Variants in SNRPB2 observed in about 807,000 individuals in gnomAD.
The protein encoded by SNRPB2 is small nuclear ribonucleoprotein polypeptide B2.
SNRPB2 carries 16 observed loss-of-function variants against 26.3 expected under a neutral mutation model. That is an observed-to-expected ratio of 0.61 (90% CI 0.41 to 0.92). SNRPB2 has a LOEUF of 0.92. Ranked by LOEUF, SNRPB2 falls within the 40% of genes least tolerant of loss-of-function variation. The probability of loss-of-function intolerance (pLI) is 0.00; values close to 1 mark genes in which losing one functional copy is unlikely to be tolerated. For missense variants in SNRPB2, 179 were observed against 268.1 expected (o/e 0.67, Z 2.32); for synonymous variants, 75 against 89.0 (o/e 0.84, Z 0.88).
rs1412241026 is a variant in SNRPB2, at chr20:16,742,487, TGGG to T, written c.*1485_*1487del. On this transcript the variant is annotated 3_prime_UTR_variant, in exon 7 of 7. Transcript: ENST00000246071. ...GGATTTGCTTATACTCTGAGTGAAATGGGGGACTATTTTAGAGAATTTTTTTAA... is the reference window on the plus strand; with the variant it reads ...GGATTTGCTTATACTCTGAGTGAAATGGACTATTTTAGAGAATTTTTTTAA... 2 of 152,024 alleles carry T rather than the reference TGGG, an allele frequency of 1.3e-5. No individual in the cohort carries two copies. The highest frequency in any genetic ancestry group is 2.4e-5 in the African/African-American group (1 of 41,370). 9.4% of individuals were successfully genotyped at this position (152,024 alleles called of 1,614,324 possible). A position where few individuals can be genotyped will look rare whatever the true frequency, so the allele number is the denominator to read the frequency against.
intron 3 of SNRPB2, among the ~76,000 whole-genome samples, chr20:16,736,018 C>CAG (rs1226140690): frequency 5.3e-5 from 8 of 152,156 alleles, no homozygotes; most frequent in African/African-American, 1.7e-4. Context: ...TGTTTTTGTT[C>CAG]TGTGTGTGTC....
intron 4 of SNRPB2, among the ~76,000 whole-genome samples, chr20:16,738,420 G>C (rs1217288964): frequency 6.8e-6 from 1 of 147,372 alleles, no homozygotes; most frequent in Non-Finnish European, 1.5e-5. Context: ...TCCAGCCTGG[G>C]TGACAAGAGC....
chr20:16,733,005 G>T (rs748968888), intron 3 of SNRPB2, among the ~76,000 whole-genome samples: 1 of 152,180 alleles, frequency 6.6e-6, no homozygotes, highest in Non-Finnish European at 1.5e-5. Context: ...GTGAAGCAAG[G>T]GGTTTCTATG....
intron 3 of SNRPB2, among the ~76,000 whole-genome samples, chr20:16,735,575 A>C (rs2072421106): frequency 6.6e-6 from 1 of 152,206 alleles, no homozygotes; most frequent in Admixed American, 6.5e-5. Context: ...TGTGCTTGTT[A>C]CAAGTGCAGA....
intron 3 of SNRPB2, 138 bp downstream of exon 3, chr20:16,732,474 GA>G: frequency 1.1e-5 from 6 of 551,116 alleles, no homozygotes; most frequent in Non-Finnish European, 1.6e-5. Flanking sequence ...TATTTTTATA[GA>G]AAAACAGTAG....
At chr20:16,737,129 C>T (rs2072431242) in intron 3 of SNRPB2, 132 bp from the exon 4 acceptor site, 1 of 641,472 alleles carries the variant, frequency 1.6e-6, no homozygotes, top group Non-Finnish European at 2.5e-6. Context: ...TCAGTATATT[C>T]TGACAGATTT....
At position 16,740,914 on chromosome 20, in the gene SNRPB2, A is replaced by C. The variant is rs1454189462; in HGVS notation, c.587A>C (p.Asn196Thr). 6.2e-7 allele frequency: 1 copy of C among 1,612,440 alleles called. No homozygotes were observed. Among genetic ancestry groups the C allele is most frequent in the Non-Finnish European group, 8.5e-7 (1 of 1,178,600 alleles). ...RHDIAFVEFENDGQAGAARDA... is the reference protein window; with the variant it reads ...RHDIAFVEFETDGQAGAARDA... ...GACATTGCTTTTGTTGAATTTGAAA[A>C]TGATGGGCAGGCTGGAGCTGCCAGG... The change falls in exon 7 of 7, where the codon AAT becomes ACT. Residue 196 changes from asparagine (N) to threonine (T), a missense_variant. Around this residue, in one of 2 missense-constraint regions of SNRPB2, gnomAD observed 34 missense variants for 87.4 expected, o/e 0.39. Coordinates refer to ENST00000246071, the MANE Select transcript of SNRPB2 (RefSeq NM_003092.5).
At position 16,731,635 on chromosome 20, in the gene SNRPB2, C is replaced by G. The variant is rs6111262; in HGVS notation, c.-35-33C>G. 8.8e-6 allele frequency: 14 copies of G among 1,584,544 alleles called. 1 individual carries two copies. In the South Asian group the frequency reaches 1.2e-4, roughly 14 times the overall value. ...TTGTGTTGTGTCCTTATGCCACAGT[C>G]CAGTATAATTTACTCCTTCCTTTTT... On this transcript the variant is annotated intron_variant, in intron 1 of 6. Transcript: ENST00000246071.
intron 3 of SNRPB2, among the ~76,000 whole-genome samples, chr20:16,733,149 G>A (rs1040021946): frequency 8.5e-5 from 13 of 152,220 alleles, no homozygotes; most frequent in African/African-American, 3.1e-4. Flanking sequence ...CATTCTGGTT[G>A]TACTATTAAC....
intron 3 of SNRPB2, 117 bp downstream of exon 3, chr20:16,732,453 T>C: frequency 1.6e-6 from 1 of 622,566 alleles, no homozygotes. Flanking sequence ...TTATGTGTGT[T>C]TGGGTTTATG....
At chr20:16,737,023 C>T (rs1292281123) in intron 3 of SNRPB2, among the ~76,000 whole-genome samples, 1 of 152,184 alleles carries the variant, frequency 6.6e-6, no homozygotes, top group South Asian at 2.1e-4. Context: ...GTGTTTCTCA[C>T]ATGAAAATAT....
chr20:16,732,874 A>G (rs957390980), intron 3 of SNRPB2, among the ~76,000 whole-genome samples: 1 of 152,240 alleles, frequency 6.6e-6, no homozygotes, highest in Non-Finnish European at 1.5e-5. Flanking sequence ...TGAGATTCAC[A>G]TCTAGCTGCT....
At position 16,740,442 on chromosome 20, in the gene SNRPB2, C is replaced by A. The variant is rs764860147; in HGVS notation, c.518+29C>A. 31 of 1,607,042 alleles carry A rather than the reference C, an allele frequency of 1.9e-5. No homozygotes were observed. The South Asian group carries it at 3.3e-4, about 17-fold the overall frequency. On this transcript the variant is annotated intron_variant, in intron 6 of 6. Transcript: ENST00000246071. ...AGTTTTTTCATAAATAAGTCTGTTT[C>A]TGAGAGCTTCCTCACAGGACAAGTA...
Position 16,742,203 on chromosome 20 carries a change from A to G in SNRPB2, c.*1198A>G, listed in dbSNP as rs979774584. 2.6e-5 allele frequency: 4 copies of G among 152,176 alleles called. No homozygotes were observed. Among genetic ancestry groups the G allele is most frequent in the African/African-American group, 9.7e-5 (4 of 41,430 alleles). The allele number at this position is 152,176 out of a possible 1,614,324, so 9.4% of individuals were successfully genotyped here. Reference sequence around the variant, plus strand: ...GTAGTCAAGCTCCTGTACTTTTGTAAAATATATTAACAGTGAATTACTAGA... The same window carrying G: ...GTAGTCAAGCTCCTGTACTTTTGTAGAATATATTAACAGTGAATTACTAGA... On this transcript the variant is annotated 3_prime_UTR_variant, in exon 7 of 7. Coordinates refer to ENST00000246071, the MANE Select transcript of SNRPB2 (RefSeq NM_003092.5).
chr20:16,731,585 A>C lies in SNRPB2; in HGVS notation c.-35-83A>C, dbSNP rs1456031866. 4.3e-6 allele frequency: 6 copies of C among 1,381,326 alleles called. No homozygotes were observed. The Admixed American group carries it at 9.2e-5, about 21-fold the overall frequency. The allele number at this position is 1,381,326 out of a possible 1,614,324, so 85.6% of individuals were successfully genotyped here. On this transcript the variant is annotated intron_variant, in intron 1 of 6. Transcript: ENST00000246071. ...GACATTTTCTGACAACTGGGATTGA[A>C]AGAGAAATGAAAAGTTAATAATTCT...
rs774178839 is a variant in SNRPB2, at chr20:16,737,227, T to A, written c.238-34T>A. 7.2e-6 allele frequency: 11 copies of A among 1,534,264 alleles called. No homozygotes were observed. The Admixed American group carries it at 2.2e-4, about 31-fold the overall frequency. The stretch of plus-strand genomic sequence containing the variant: ...TGACTAGTGTAAACATCCTTCAGCA[T>A]GAGAAGTAACCTGTTTTCAAATAAT... On this transcript the variant is annotated intron_variant, in intron 3 of 6. Transcript: ENST00000246071.
At chr20:16,731,860 A>C in intron 2 of SNRPB2, 94 bp downstream of exon 2, 1 of 1,549,226 alleles carries the variant, frequency 6.5e-7, no homozygotes, top group Non-Finnish European at 8.7e-7. Flanking sequence ...TTACCTCATC[A>C]TCTTAGTGCC....
Position 16,737,384 on chromosome 20 carries a change from A to T in SNRPB2, c.361A>T (p.Asn121Tyr). The T allele has an allele frequency of 6.3e-7, 1 of 1,588,052 alleles. No individual in the cohort carries two copies. Among genetic ancestry groups the T allele is most frequent in the Non-Finnish European group, 8.5e-7 (1 of 1,173,784 alleles). Reference sequence around the variant, plus strand: ...TGTGGAACAGACTGCAACAACCACAAACAAAAAGCCTGGCCAGGTAAGAAA... The same window carrying T: ...TGTGGAACAGACTGCAACAACCACATACAAAAAGCCTGGCCAGGTAAGAAA... ...KTVEQTATTT[N>Y]KKPGQGTPNS... Residue 121 changes from asparagine to tyrosine, a missense_variant, in exon 4 of 7, where the codon AAC (asparagine) becomes TAC (tyrosine). Asn to Tyr is a moderately radical substitution (Grantham distance 143, BLOSUM62 -2). This residue lies in a region of SNRPB2 where 145 missense variants were observed against 180.7 expected (regional missense o/e 0.80). Transcript: ENST00000246071.
At chr20:16,740,674 C>G (rs1311814815) in intron 6 of SNRPB2, among the ~76,000 whole-genome samples, 172 bp from the exon 7 acceptor site, 1 of 152,204 alleles carries the variant, frequency 6.6e-6, no homozygotes, top group Non-Finnish European at 1.5e-5. Context: ...TTTATTCTTG[C>G]AGTTCTTCCA....
Sources: gnomAD v4.1 joint callset for allele counts (sites outside exome capture counted in the v4.1 genomes callset) on GRCh38, gnomAD v4.1.1 for gene constraint, gnomAD v4.1.1 regional missense constraint, MANE v1.5 for transcripts, NCBI Gene and HGNC (gene_info 2026-07-23, HGNC 2026-07-21) for gene names.